TP53INP1: variants seen among roughly 807,000 people sequenced by gnomAD.
The protein encoded by TP53INP1 is tumor protein p53 inducible nuclear protein 1, also known as tumor protein p53-inducible nuclear protein 1.
In TP53INP1, 12 loss-of-function variants were observed where a neutral mutation model predicts 21.0. The ratio of observed to expected loss-of-function variants is 0.57; its 90% CI spans 0.37 to 0.93. The LOEUF (loss-of-function observed/expected upper bound fraction) is 0.93. TP53INP1 is among the 40% of genes least tolerant of loss of function. The pLI, the probability that TP53INP1 is intolerant of heterozygous loss-of-function variation, is 0.01. For missense variants in TP53INP1, 274 were observed against 294.7 expected (o/e 0.93, Z 0.51); for synonymous variants, 91 against 94.8 (o/e 0.96, Z 0.23).
intron 3 of TP53INP1, among the ~76,000 whole-genome samples, chr8:94,931,137 A>G (rs1427976287): frequency 6.6e-6 from 1 of 152,250 alleles, no homozygotes; most frequent in Non-Finnish European, 1.5e-5. Flanking sequence ...AAAATATTTT[A>G]ATTCCCAAAT....
At chr8:94,931,738 G>A (rs1383136820) in intron 3 of TP53INP1, among the ~76,000 whole-genome samples, 2 of 152,174 alleles carry the variant, frequency 1.3e-5, no homozygotes, top group Non-Finnish European at 2.9e-5. Flanking sequence ...ACTTTGGGAG[G>A]CTGAGGCAGG....
chr8:94,934,457 C>T (rs1586708445), intron 3 of TP53INP1, among the ~76,000 whole-genome samples: 1 of 151,540 alleles, frequency 6.6e-6, no homozygotes, highest in African/African-American at 2.4e-5. Context: ...GTGATCTCAG[C>T]TCACTGCAAC....
intron 1 of TP53INP1, among the ~76,000 whole-genome samples, chr8:94,942,790 G>A (rs768782869): frequency 3.9e-5 from 6 of 152,190 alleles, no homozygotes; most frequent in Non-Finnish European, 8.8e-5. Flanking sequence ...GAGGAAGGGG[G>A]CAAAGGAACA....
In TP53INP1 at chr8:94,939,957, G is replaced by A. The variant is rs763535290; in HGVS notation, c.376C>T (p.His126Tyr). Reference protein sequence around the residue: ...TSPMENLLIEHPSMSVYAVHN... With the variant: ...TSPMENLLIEYPSMSVYAVHN... ...ACAGCATAGACAGACATGCTGGGAT[G>A]TTCAATGAGAAGGTTTTCCATAGGA... The change falls in exon 3 of 4, where the codon CAT (histidine) becomes TAT (tyrosine). Residue 126 changes from histidine to tyrosine, a missense_variant. By Grantham distance (83) the His-to-Tyr change is moderately conservative. Coordinates refer to ENST00000342697, the MANE Select transcript of TP53INP1 (RefSeq NM_033285.4). 1 of 1,614,186 alleles carries A rather than the reference G, an allele frequency of 6.2e-7. No individual in the cohort carries two copies. Among genetic ancestry groups the A allele is most frequent in the Non-Finnish European group, 8.5e-7 (1 of 1,180,038 alleles).
chr8:94,938,924 G>A (rs1022858628), intron 3 of TP53INP1, among the ~76,000 whole-genome samples: 1 of 152,190 alleles, frequency 6.6e-6, no homozygotes, highest in Non-Finnish European at 1.5e-5. Flanking sequence ...GAAATGGGAG[G>A]CAGTCTTTTG....
chr8:94,938,896 G>T (rs1821252709), intron 3 of TP53INP1, among the ~76,000 whole-genome samples: 2 of 152,192 alleles, frequency 1.3e-5, no homozygotes. Flanking sequence ...TAAAACCTGG[G>T]GCTTGAGATT....
At chr8:94,943,521 G>A (rs1821739587) in intron 1 of TP53INP1, among the ~76,000 whole-genome samples, 1 of 152,118 alleles carries the variant, frequency 6.6e-6, no homozygotes, top group Non-Finnish European at 1.5e-5. Flanking sequence ...AGATCATCCA[G>A]GGCTGAAGAA....
chr8:94,948,930 G>A (rs1221709469), intron 1 of TP53INP1, among the ~76,000 whole-genome samples: 2 of 151,308 alleles, frequency 1.3e-5, no homozygotes, highest in Admixed American at 1.3e-4. Context: ...CTCTGTCCGC[G>A]CCCTGGGCCC....
At chr8:94,933,216 AATAC>A (rs1820602138) in intron 3 of TP53INP1, among the ~76,000 whole-genome samples, 1 of 152,190 alleles carries the variant, frequency 6.6e-6, no homozygotes, top group South Asian at 2.1e-4. Context: ...TCCGTGTTAA[AATAC>A]ATAAATAAAA....
chr8:94,930,299 G>A lies in TP53INP1; in HGVS notation c.*180C>T, dbSNP rs1459266460. ...CAAAAAAAGTAAATGTTAAAGGCAA[G>A]GCATTATGTGATACACAGCATATAA... On this transcript the variant is annotated 3_prime_UTR_variant, in exon 4 of 4. Transcript: ENST00000342697. 1 of 760,366 alleles carries A rather than the reference G, an allele frequency of 1.3e-6. No individual in the cohort carries two copies. Among genetic ancestry groups the A allele is most frequent in the African/African-American group, 1.8e-5 (1 of 57,072 alleles). 47.1% of individuals were successfully genotyped at this position (760,366 alleles called of 1,614,324 possible).
Position 94,929,370 on chromosome 8 carries a change from GAA to G in TP53INP1, c.*1107_*1108del, listed in dbSNP as rs1452843031. The G allele has an allele frequency of 2.6e-5, 4 of 151,520 alleles. No homozygotes were observed. The highest frequency in any genetic ancestry group is 9.7e-5 in the African/African-American group (4 of 41,272). 9.4% of individuals were successfully genotyped at this position (151,520 alleles called of 1,614,324 possible). On this transcript the variant is annotated 3_prime_UTR_variant, in exon 4 of 4. Coordinates refer to ENST00000342697, the MANE Select transcript of TP53INP1 (RefSeq NM_033285.4). The stretch of plus-strand genomic sequence containing the variant: ...TTTGCCTGAAGTTAAAACAAAAAAT[GAA>G]AAGTCACTTGGACTGCAGGGAAGAA...
intron 3 of TP53INP1, among the ~76,000 whole-genome samples, chr8:94,936,617 A>C (rs751692169): frequency 1.3e-5 from 2 of 152,148 alleles, no homozygotes; most frequent in Admixed American, 6.5e-5. Flanking sequence ...GCTAGTGGAC[A>C]TGGTCAGGCA....
At position 94,940,123 on chromosome 8, in the gene TP53INP1, C is replaced by T. The variant is rs141483665; in HGVS notation, c.210G>A (p.Pro70=). The part of the protein sequence containing the change: ...TEHPSVFSCL[P]ASLECLADTS... Reference sequence around the variant, plus strand: ...TATCAGCCAAGCACTCAAGAGATGCCGGTAAACAGGAAAAGACTGAAGGGT... The same window carrying T: ...TATCAGCCAAGCACTCAAGAGATGCTGGTAAACAGGAAAAGACTGAAGGGT... Residue 70 remains proline, a synonymous_variant, in exon 3 of 4, where the codon CCG becomes CCA. Transcript: ENST00000342697. 519 of 1,614,112 alleles carry T rather than the reference C, an allele frequency of 3.2e-4. 8 individuals are homozygous for T. In the East Asian group the frequency reaches 9.8e-3, roughly 30 times the overall value.
intron 1 of TP53INP1, among the ~76,000 whole-genome samples, chr8:94,942,032 T>C (rs1293757938): frequency 6.6e-6 from 1 of 151,142 alleles, no homozygotes; most frequent in Non-Finnish European, 1.5e-5. Context: ...GCAGTCACCC[T>C]TCACGCTTTT....
rs190533659 is a variant in TP53INP1 at position 94,928,731 on chromosome 8, C to T, written c.*1748G>A. On this transcript the variant is annotated 3_prime_UTR_variant, in exon 4 of 4. Coordinates refer to ENST00000342697, the MANE Select transcript of TP53INP1 (RefSeq NM_033285.4). ...CACATTTGACGTCTTCCACTCCAAA[C>T]GCTCTAATCTAGTCAGAAAAGAGCA... 1 of 152,382 alleles carries T rather than the reference C, an allele frequency of 6.6e-6. No homozygotes were observed. Among genetic ancestry groups the T allele is most frequent in the African/African-American group, 2.4e-5 (1 of 41,594 alleles). The allele number at this position is 152,382 out of a possible 1,614,324, so 9.4% of individuals were successfully genotyped here. A position where few individuals can be genotyped will look rare whatever the true frequency, so the allele number is the denominator to read the frequency against.
chr8:94,936,577 G>A (rs546786921), intron 3 of TP53INP1, among the ~76,000 whole-genome samples: 24 of 152,272 alleles, frequency 1.6e-4, no homozygotes, highest in Admixed American at 1.2e-3. Context: ...AAGCCCCTAG[G>A]TTTGGGTTTT....
Position 94,949,135 on chromosome 8 carries a change from G to GCC in TP53INP1, c.-151+17_-151+18dup, listed in dbSNP as rs561010086. 0.048 allele frequency: 7,009 copies of GCC among 145,818 alleles called. 203 individuals carry two copies. The highest frequency in any genetic ancestry group is 0.06 in the Non-Finnish European group (3,932 of 65,536). 9.0% of individuals were successfully genotyped at this position (145,818 alleles called of 1,614,324 possible). On this transcript the variant is annotated intron_variant, in intron 1 of 3. Coordinates refer to ENST00000342697, the MANE Select transcript of TP53INP1 (RefSeq NM_033285.4). ...GGCGGCCCTGGACGGACGCCCGCCCGCCCCCCCCCGGCACTTACGTGGGCC... is the reference window on the plus strand; with the variant it reads ...GGCGGCCCTGGACGGACGCCCGCCCGCCCCCCCCCCCGGCACTTACGTGGGCC...
rs60473555 is a variant in TP53INP1, at chr8:94,940,445, CTGTG to C, written c.113-229_113-226del. Among the ~76,000 whole-genome samples the C allele has an allele frequency of 7.4e-3, 1,114 of 150,468 alleles. 17 individuals carry two copies. The highest frequency in any genetic ancestry group is 0.032 in the Admixed American group (480 of 15,122). ...AAATTTATTTCTGAGCACAGAAATT[CTGTG>C]TGTGTGTGTGTGTGTGTGTGTCACT... On this transcript the variant is annotated intron_variant, in intron 2 of 3. Coordinates refer to ENST00000342697, the MANE Select transcript of TP53INP1 (RefSeq NM_033285.4).
intron 3 of TP53INP1, among the ~76,000 whole-genome samples, chr8:94,931,809 T>C (rs1218803445): frequency 6.6e-6 from 1 of 151,960 alleles, no homozygotes; most frequent in Non-Finnish European, 1.5e-5. Context: ...CCATCTCTAC[T>C]AAAAATACAA....
Sources: gnomAD v4.1 joint callset for allele counts (sites outside exome capture counted in the v4.1 genomes callset) on GRCh38, gnomAD v4.1.1 for gene constraint, MANE v1.5 for transcripts, NCBI Gene and HGNC (gene_info 2026-07-23, HGNC 2026-07-21) for gene names.